RFTN1: variants seen among roughly 807,000 people sequenced by gnomAD.
RFTN1 encodes raftlin, lipid raft linker 1.
Under a neutral mutation model 46.5 loss-of-function variants are expected in RFTN1, and 26 were observed. The ratio of observed to expected loss-of-function variants is 0.56; its 90% CI spans 0.41 to 0.78. RFTN1 has a LOEUF of 0.78. Among genes scored for constraint, RFTN1 ranks in the 30% least tolerant of loss-of-function variants. The pLI is 0.00. For synonymous variants in RFTN1, 261 were observed against 284.2 expected (o/e 0.92, Z 0.82); for missense variants, 693 against 718.7 (o/e 0.96, Z 0.41).
intron 4 of RFTN1, among the ~76,000 whole-genome samples, chr3:16,393,799 C>T (rs551140751): frequency 6.6e-6 from 1 of 152,116 alleles, no homozygotes; most frequent in South Asian, 2.1e-4. Flanking sequence ...GGTGGGACTA[C>T]AGGTGCCCGC....
Position 16,452,829 on chromosome 3 carries a change from C to A in RFTN1, c.146-18792G>T, listed in dbSNP as rs1362532609. ...TGACAATATCACAAGCCGTTCTTCCCTATCAAGTTCTTTTGCACTTAGTGT... is the reference window on the plus strand; with the variant it reads ...TGACAATATCACAAGCCGTTCTTCCATATCAAGTTCTTTTGCACTTAGTGT... On this transcript the variant is annotated intron_variant, in intron 2 of 9. Coordinates refer to ENST00000334133, the MANE Select transcript of RFTN1 (RefSeq NM_015150.2). The surrounding 1 kb of genome is among the most constrained non-coding windows in gnomAD (Gnocchi z 6.3). Among the ~76,000 whole-genome samples the A allele has an allele frequency of 6.6e-6, 1 of 152,210 alleles. No homozygotes were observed. The highest frequency in any genetic ancestry group is 6.5e-5 in the Admixed American group (1 of 15,286).
rs555901458 is a variant in RFTN1 at position 16,345,494 on chromosome 3, C to T, written c.1146+12438G>A. On this transcript the variant is annotated intron_variant, in intron 7 of 9. Transcript: ENST00000334133. This position sits in a 1 kb window ranked among gnomAD's most constrained non-coding sequence, Gnocchi z 5.2. ...TGGGTCAACTGAGTAGACCAGATGG[C>T]CCTCCCCAGTGTGGGTGGACACCAT... Among the ~76,000 whole-genome samples, 1 of 152,204 alleles carries T rather than the reference C, an allele frequency of 6.6e-6. No homozygotes were observed. Among genetic ancestry groups the T allele is most frequent in the Admixed American group, 6.5e-5 (1 of 15,296 alleles).
rs1553605706 is a variant in RFTN1 at position 16,507,619 on chromosome 3, C to CAT, written c.-9+5822_-9+5823insAT. ...TTCAAAACACACACACACACACACA[C>CAT]ACATACACACACACATGCACACATC... On this transcript the variant is annotated intron_variant, in intron 1 of 9. Coordinates refer to ENST00000334133, the MANE Select transcript of RFTN1 (RefSeq NM_015150.2). The surrounding 1 kb of genome is among the most constrained non-coding windows in gnomAD (Gnocchi z 7.1). 0.062 allele frequency among the ~76,000 whole-genome samples: 9,390 copies of CAT among 150,248 alleles called. 517 individuals are homozygous for CAT. Among genetic ancestry groups the CAT allele is most frequent in the African/African-American group, 0.14 (5,628 of 40,756 alleles).
chr3:16,454,363 T>C (rs1210533985), intron 2 of RFTN1, among the ~76,000 whole-genome samples: 1 of 152,152 alleles, frequency 6.6e-6, no homozygotes, highest in Non-Finnish European at 1.5e-5. Flanking sequence ...CAGGATCATC[T>C]AGGGGTGGGA....
intron 6 of RFTN1, among the ~76,000 whole-genome samples, chr3:16,358,490 C>T (rs1225255684): frequency 6.6e-6 from 1 of 150,940 alleles, no homozygotes; most frequent in African/African-American, 2.4e-5. Context: ...CAGATCTGAG[C>T]TTGTCAGATG....
At position 16,484,234 on chromosome 3, in the gene RFTN1, A is replaced by G. The variant is rs547174432; in HGVS notation, c.145+9491T>C. The stretch of plus-strand genomic sequence containing the variant: ...CCAGCCGTGAAGGGAGACTGAAAGG[A>G]CAACTCTTATAAACAATGATTATCA... On this transcript the variant is annotated intron_variant, in intron 2 of 9. Coordinates refer to ENST00000334133, the MANE Select transcript of RFTN1 (RefSeq NM_015150.2). This position sits in a 1 kb window ranked among gnomAD's most constrained non-coding sequence, Gnocchi z 4.6. Among the ~76,000 whole-genome samples, 8 of 152,224 alleles carry G rather than the reference A, an allele frequency of 5.3e-5. No homozygotes were observed. The highest frequency in any genetic ancestry group is 7.3e-5 in the Non-Finnish European group (5 of 68,042).
At position 16,319,775 on chromosome 3, in the gene RFTN1, G is replaced by T. The variant is rs190497636; in HGVS notation, c.1333-2543C>A. On this transcript the variant is annotated intron_variant, in intron 9 of 9. Coordinates refer to ENST00000334133, the MANE Select transcript of RFTN1 (RefSeq NM_015150.2). ...GTTTCAGATCCCAACAATTCAAAAA[G>T]GAGACGTCTCAGAAAGCAAGAGGAG... Among the ~76,000 whole-genome samples, 84 of 152,294 alleles carry T rather than the reference G, an allele frequency of 5.5e-4. No homozygotes were observed. The East Asian group carries it at 8.5e-3, about 15-fold the overall frequency.
chr3:16,362,903 C>T (rs2072920381), intron 6 of RFTN1, among the ~76,000 whole-genome samples: 1 of 152,180 alleles, frequency 6.6e-6, no homozygotes, highest in African/African-American at 2.4e-5. Flanking sequence ...TCTCCTTCCT[C>T]CTGAGTCACA....
intron 5 of RFTN1, among the ~76,000 whole-genome samples, chr3:16,372,981 A>C (rs1472581733): frequency 6.6e-6 from 1 of 152,150 alleles, no homozygotes; most frequent in Non-Finnish European, 1.5e-5. Flanking sequence ...TCCTTTCTCT[A>C]CCCACATGGA....
chr3:16,318,181 C>T (rs940133539), intron 9 of RFTN1, among the ~76,000 whole-genome samples: 8 of 152,002 alleles, frequency 5.3e-5, no homozygotes, highest in African/African-American at 1.2e-4. Context: ...GCCCCAGCTC[C>T]GTCACTGACC....
At position 16,471,510 on chromosome 3, in the gene RFTN1, G is replaced by A. The variant is rs147090814; in HGVS notation, c.145+22215C>T. 3.0e-3 allele frequency among the ~76,000 whole-genome samples: 451 copies of A among 152,252 alleles called. 13 individuals are homozygous for A. The highest frequency in any genetic ancestry group is 0.023 in the Admixed American group (347 of 15,304). On this transcript the variant is annotated intron_variant, in intron 2 of 9. Transcript: ENST00000334133. ...CTGCATAGCAACTTGGTGCACAGTCGAGTGCTTAATAAATAGCAGCCACTG... is the reference window on the plus strand; with the variant it reads ...CTGCATAGCAACTTGGTGCACAGTCAAGTGCTTAATAAATAGCAGCCACTG...
intron 6 of RFTN1, among the ~76,000 whole-genome samples, chr3:16,367,789 C>CA (rs1280774113): frequency 1.3e-5 from 2 of 152,174 alleles, no homozygotes; most frequent in Non-Finnish European, 2.9e-5. Flanking sequence ...CCTTGATCAC[C>CA]AAACCATAAT....
chr3:16,388,222 C>A (rs2074253944), intron 4 of RFTN1, among the ~76,000 whole-genome samples: 1 of 152,222 alleles, frequency 6.6e-6, no homozygotes, highest in South Asian at 2.1e-4. Context: ...CTGTTCCCCC[C>A]TCCATCTCCC....
At chr3:16,420,021 T>C (rs1439816422) in intron 3 of RFTN1, among the ~76,000 whole-genome samples, 1 of 152,212 alleles carries the variant, frequency 6.6e-6, no homozygotes, top group East Asian at 1.9e-4. Flanking sequence ...TATCCGACCC[T>C]GCTATTTATT....
intron 2 of RFTN1, among the ~76,000 whole-genome samples, chr3:16,461,850 G>C (rs2076012506): frequency 6.6e-6 from 1 of 152,208 alleles, no homozygotes; most frequent in African/African-American, 2.4e-5. Flanking sequence ...ACTCCTGTCA[G>C]TTTCATCTAT....
chr3:16,342,887 ACT>A lies in RFTN1; in HGVS notation c.1146+15043_1146+15044del, dbSNP rs1559839633. 6.6e-6 allele frequency among the ~76,000 whole-genome samples: 1 copy of A among 152,178 alleles called. No individual in the cohort carries two copies. Among genetic ancestry groups the A allele is most frequent in the Non-Finnish European group, 1.5e-5 (1 of 68,028 alleles). ...TCCCTAATCTCCACCCCGAAGACCC[ACT>A]GACTTTGAGTCTCGATCTCAGCTCA... On this transcript the variant is annotated intron_variant, in intron 7 of 9. Coordinates refer to ENST00000334133, the MANE Select transcript of RFTN1 (RefSeq NM_015150.2). The surrounding 1 kb of genome is among the most constrained non-coding windows in gnomAD (Gnocchi z 4.0).
At chr3:16,497,001 G>A (rs747895593) in intron 1 of RFTN1, among the ~76,000 whole-genome samples, 12 of 152,124 alleles carry the variant, frequency 7.9e-5, no homozygotes, top group Admixed American at 5.2e-4. Flanking sequence ...TCTTACTCCC[G>A]TTATACAGAG....
rs1200387880 is a variant in RFTN1, at chr3:16,317,116, GTCT to G, written c.1446_1448del (p.Glu482del). On this transcript the variant is annotated inframe_deletion, in exon 10 of 10. Transcript: ENST00000334133. The surrounding 1 kb of genome is among the most constrained non-coding windows in gnomAD (Gnocchi z 4.3). ...CCATGTCTCCAGCTTTGGAAGACTG[GTCT>G]TCTAAGTTCTTCTCATTTTCTTCTG... The G allele has an allele frequency of 1.2e-6, 2 of 1,613,760 alleles. No individual in the cohort carries two copies. Among genetic ancestry groups the G allele is most frequent in the African/African-American group, 2.7e-5 (2 of 74,806 alleles).
At position 16,500,655 on chromosome 3, in the gene RFTN1, T is replaced by TCCC. The variant is rs1435976443; in HGVS notation, c.-8-6779_-8-6778insGGG. ...GAAACAAAGATCCCTTGAATGGTGA[T>TCCC]CTTCTGGAAAAAATTTTGGCTGAAT... On this transcript the variant is annotated intron_variant, in intron 1 of 9. Transcript: ENST00000334133. This position sits in a 1 kb window ranked among gnomAD's most constrained non-coding sequence, Gnocchi z 5.9. Among the ~76,000 whole-genome samples, 1 of 152,156 alleles carries TCCC rather than the reference T, an allele frequency of 6.6e-6. No homozygotes were observed. The highest frequency in any genetic ancestry group is 1.5e-5 in the Non-Finnish European group (1 of 68,026).
Sources: gnomAD v4.1 joint callset for allele counts (sites outside exome capture counted in the v4.1 genomes callset) on GRCh38, gnomAD v4.1.1 for gene constraint, Gnocchi (gnomAD v3.1) non-coding constraint, MANE v1.5 for transcripts, NCBI Gene and HGNC (gene_info 2026-07-23, HGNC 2026-07-21) for gene names.